Variants in SEMA5B observed in about 807,000 individuals in gnomAD.
SEMA5B encodes the protein semaphorin-5B.
In SEMA5B, 66 loss-of-function variants were observed where a neutral mutation model predicts 135.0. That is an observed-to-expected ratio of 0.49 (90% CI 0.40 to 0.60). SEMA5B has a LOEUF of 0.60. Ranked by LOEUF, SEMA5B falls within the 20% of genes least tolerant of loss-of-function variation. SEMA5B has a pLI of 0.00. For synonymous variants in SEMA5B, 690 were observed against 639.5 expected, an observed-to-expected ratio of 1.08 and a Z score of -1.19; for missense variants, 1,501 against 1,566.3, an observed-to-expected ratio of 0.96 and a Z score of 0.70.
At chr3:122,940,083 C>G (rs949318254) in intron 4 of SEMA5B, among the ~76,000 whole-genome samples, 5 of 152,182 alleles carry the variant, frequency 3.3e-5, no homozygotes, top group African/African-American at 7.2e-5. Flanking sequence ...CTAACCCAAA[C>G]GACCCCATCC....
intron 1 of SEMA5B, among the ~76,000 whole-genome samples, chr3:123,010,853 A>G (rs1942424001): frequency 6.7e-6 from 1 of 150,036 alleles, no homozygotes; most frequent in Non-Finnish European, 1.5e-5. Flanking sequence ...TATCATCATC[A>G]TTTAGCCCAG....
intron 14 of SEMA5B, among the ~76,000 whole-genome samples, chr3:122,915,064 G>T (rs1026392150): frequency 6.6e-6 from 1 of 152,068 alleles, no homozygotes; most frequent in African/African-American, 2.4e-5. Context: ...GCTAGGCCAC[G>T]GCCACACCTC....
chr3:122,931,897 G>A (rs1051360348), intron 5 of SEMA5B, among the ~76,000 whole-genome samples: 3 of 152,176 alleles, frequency 2.0e-5, no homozygotes, highest in Admixed American at 2.0e-4. Context: ...GGACTGAAAC[G>A]TCGAGGGGTT....
chr3:123,021,682 G>C (rs953336067), intron 1 of SEMA5B, among the ~76,000 whole-genome samples: 11 of 152,208 alleles, frequency 7.2e-5, no homozygotes, highest in African/African-American at 2.7e-4. Flanking sequence ...TTTCCCTAAA[G>C]TTGCCTCCCA....
rs1188637703 is a variant in SEMA5B at position 122,922,388 on chromosome 3, G to A, written c.1332C>T (p.Asp444=). The A allele has an allele frequency of 1.2e-6, 2 of 1,612,094 alleles. No homozygotes were observed. Among genetic ancestry groups the A allele is most frequent in the Middle Eastern group, 1.7e-4 (1 of 6,058 alleles). ...NENLTERSLQ[D]AQRLFLMSEA... ...CGCTCATCAGGAAGAGGCGCTGCGCGTCCTGCAGGCTGCGCTCCGTCAGGT... is the reference window on the plus strand; with the variant it reads ...CGCTCATCAGGAAGAGGCGCTGCGCATCCTGCAGGCTGCGCTCCGTCAGGT... The change falls in exon 11 of 23, where the codon GAC becomes GAT. Residue 444 remains aspartate, a synonymous_variant. Coordinates refer to ENST00000357599, the MANE Select transcript of SEMA5B (RefSeq NM_001031702.4).
rs1938721582 is a variant in SEMA5B at position 122,927,812 on chromosome 3, T to C, written c.828A>G (p.Gln276=). Residue 276 remains glutamine (Q), a synonymous_variant, in exon 8 of 23, where the codon CAA becomes CAG. Transcript: ENST00000357599. ...TACCATTAAGCCACTTGGAGTTATA[T>C]TGGGCAGTGCGAAGCGGTGGCCCAC... ...LGSGPPLRTA[Q]YNSKWLNEPN... 1.3e-6 allele frequency: 2 copies of C among 1,488,868 alleles called. No individual in the cohort carries two copies. The highest frequency in any genetic ancestry group is 2.6e-5 in the East Asian group (1 of 38,862). 92.2% of individuals were successfully genotyped at this position (1,488,868 alleles called of 1,614,324 possible).
In SEMA5B at chr3:122,915,999, T is replaced by A. The variant is rs1367627156; in HGVS notation, c.1689-109A>T. 5 of 779,100 alleles carry A rather than the reference T, an allele frequency of 6.4e-6. No individual in the cohort carries two copies. The East Asian group carries it at 1.3e-4, about 20-fold the overall frequency. The allele number at this position is 779,100 out of a possible 1,614,324, so 48.3% of individuals were successfully genotyped here. On this transcript the variant is annotated intron_variant, in intron 12 of 22. Coordinates refer to ENST00000357599, the MANE Select transcript of SEMA5B (RefSeq NM_001031702.4). The stretch of plus-strand genomic sequence containing the variant: ...CTGTGCACCACTTTCCATCCATTTG[T>A]CCTCCATGATAATAATGAAGTTCAT...
intron 2 of SEMA5B, among the ~76,000 whole-genome samples, chr3:122,956,759 A>G (rs905359159): frequency 1.3e-5 from 2 of 152,268 alleles, no homozygotes; most frequent in Non-Finnish European, 2.9e-5. Context: ...ACGAGGATGC[A>G]TCGGGCCGGC....
intron 1 of SEMA5B, among the ~76,000 whole-genome samples, chr3:122,997,914 C>T (rs980632052): frequency 6.6e-6 from 1 of 152,130 alleles, no homozygotes. Context: ...ACAGAGATAC[C>T]CCAGCCTCTA....
chr3:122,967,472 G>T (rs1376280095), intron 1 of SEMA5B, among the ~76,000 whole-genome samples: 2 of 152,194 alleles, frequency 1.3e-5, no homozygotes, highest in Non-Finnish European at 2.9e-5. Context: ...GCTGTTAATG[G>T]TTCACACCTG....
At chr3:122,989,221 T>C (rs1229013762) in intron 1 of SEMA5B, among the ~76,000 whole-genome samples, 1 of 152,218 alleles carries the variant, frequency 6.6e-6, no homozygotes, top group Non-Finnish European at 1.5e-5. Flanking sequence ...AGATGGCCCC[T>C]TGTCCCATCA....
chr3:123,010,326 A>G (rs553049946), intron 1 of SEMA5B, among the ~76,000 whole-genome samples: 3 of 152,298 alleles, frequency 2.0e-5, no homozygotes, highest in African/African-American at 7.2e-5. Flanking sequence ...TTTCTGGAGA[A>G]TTTCTTCACC....
intron 1 of SEMA5B, among the ~76,000 whole-genome samples, chr3:122,986,892 G>T (rs998089114): frequency 5.3e-5 from 8 of 152,306 alleles, no homozygotes; most frequent in Admixed American, 2.0e-4. Context: ...TAAAACATGA[G>T]TTTAGGAGGG....
intron 5 of SEMA5B, among the ~76,000 whole-genome samples, chr3:122,934,679 G>A (rs1939162832): frequency 6.6e-6 from 1 of 151,972 alleles, no homozygotes; most frequent in African/African-American, 2.4e-5. Context: ...ACATTAACTG[G>A]ACATTTAGTG....
rs78490011 is a variant in SEMA5B, at chr3:122,912,906, C to A, written c.2662G>T (p.Gly888Trp). 77 of 1,611,244 alleles carry A rather than the reference C, an allele frequency of 4.8e-5. No individual in the cohort carries two copies. Among genetic ancestry groups the A allele is most frequent in the Admixed American group, 1.0e-4 (6 of 59,698 alleles). The change falls in exon 18 of 23, where the codon GGG becomes TGG. Residue 888 changes from glycine (G) to tryptophan (W), a missense_variant. Coordinates refer to ENST00000357599, the MANE Select transcript of SEMA5B (RefSeq NM_001031702.4). ...RTCTNPEPRNGGLPCVGDAAE... is the reference protein window; with the variant it reads ...RTCTNPEPRNWGLPCVGDAAE... ...GCATCGCCCACGCAGGGCAGGCCCCCGTTGCGGGGCTCCGGGTTAGTGCAC... is the reference window on the plus strand; with the variant it reads ...GCATCGCCCACGCAGGGCAGGCCCCAGTTGCGGGGCTCCGGGTTAGTGCAC...
intron 1 of SEMA5B, among the ~76,000 whole-genome samples, chr3:122,971,291 TA>T (rs767018295): frequency 2.6e-5 from 4 of 152,254 alleles, no homozygotes; most frequent in Admixed American, 1.3e-4. Context: ...ACCAGTCACA[TA>T]AGAGACGCTG....
rs1029418732 is a variant in SEMA5B, at chr3:122,910,236, A to G, written c.3363T>C (p.Asn1121=). The change falls in exon 23 of 23, where the codon AAT becomes AAC. Residue 1121 remains asparagine (N), a synonymous_variant. Coordinates refer to ENST00000357599, the MANE Select transcript of SEMA5B (RefSeq NM_001031702.4). ...RANFYPLQQT[N]VYTTTYYPSP... ...TTGGGTAGTAAGTAGTCGTGTACAC[A>G]TTGGTCTGCTGCAATGGGTAGAAGT... The G allele has an allele frequency of 4.3e-6, 7 of 1,614,054 alleles. No individual in the cohort carries two copies. The highest frequency in any genetic ancestry group is 3.3e-5 in the South Asian group (3 of 91,090).
rs1195158440 is a variant in SEMA5B at position 122,922,015 on chromosome 3, T to C, written c.1588A>G (p.Ser530Gly). Reference sequence around the variant, plus strand: ...CGGGCGCTGTGCAGGATGCGCAGGCTGCGCAGGGGCTCGCGGCGCCCGGGG... The same window carrying C: ...CGGGCGCTGTGCAGGATGCGCAGGCCGCGCAGGGGCTCGCGGCGCCCGGGG... ...LPPGRREPLRSLRILHSARAL... is the reference protein window; with the variant it reads ...LPPGRREPLRGLRILHSARAL... The change falls in exon 12 of 23, where the codon AGC becomes GGC. Residue 530 changes from serine (S) to glycine (G), a missense_variant. Physicochemically the swap from Ser to Gly is moderately conservative, Grantham distance 56. Around this residue, in one of 2 missense-constraint regions of SEMA5B, gnomAD observed 927 missense variants for 881.6 expected, o/e 1.05. Transcript: ENST00000357599. 8 of 1,516,902 alleles carry C rather than the reference T, an allele frequency of 5.3e-6. No individual in the cohort carries two copies. The highest frequency in any genetic ancestry group is 7.0e-6 in the Non-Finnish European group (8 of 1,135,436). The allele number at this position is 1,516,902 out of a possible 1,614,324, so 94.0% of individuals were successfully genotyped here.
intron 1 of SEMA5B, among the ~76,000 whole-genome samples, chr3:123,003,716 GC>G (rs1942237569): frequency 6.6e-6 from 1 of 152,128 alleles, no homozygotes. Flanking sequence ...CGCCTGTAAT[GC>G]CAGCCACTCA....
Sources: allele counts gnomAD v4.1 joint callset (sites outside exome capture counted in the v4.1 genomes callset), GRCh38; gene constraint gnomAD v4.1.1; regional missense constraint gnomAD v4.1.1; transcripts MANE v1.5; gene names NCBI Gene and HGNC (gene_info 2026-07-23, HGNC 2026-07-21).